AKAP13: variants seen among roughly 807,000 people sequenced by gnomAD.
AKAP13 encodes A-kinase anchoring protein 13.
Under a neutral mutation model 264.5 loss-of-function variants are expected in AKAP13, and 80 were observed. The observed-to-expected ratio is 0.30, with a 90% CI of 0.25 to 0.36. The LOEUF (loss-of-function observed/expected upper bound fraction) is 0.36. Among genes scored for constraint, AKAP13 ranks in the 10% least tolerant of loss-of-function variants. The pLI is 1.00. For synonymous variants in AKAP13, 1,380 were observed against 1,250.2 expected (o/e 1.10, Z -2.19); for missense variants, 3,712 against 3,435.2 (o/e 1.08, Z -2.01).
Position 85,710,645 on chromosome 15 carries a change from C to G in AKAP13, c.5599C>G (p.Pro1867Ala). 2 of 1,613,446 alleles carry G rather than the reference C, an allele frequency of 1.2e-6. No homozygotes were observed. Among genetic ancestry groups the G allele is most frequent in the Non-Finnish European group, 1.7e-6 (2 of 1,179,676 alleles). Residue 1867 changes from proline to alanine, a missense_variant and splice_region_variant, in exon 19 of 37, where the codon CCC (proline) becomes GCC (alanine). By Grantham distance (27) the Pro-to-Ala change is conservative. Transcript: ENST00000394518. ...GCCCACGGTCATTATGAGAAACAAG[C>G]GTAAGTAGCTCAGCCCACCTCTCAA... ...SLPTVIMRNKPSQPKERPRSA... is the reference protein window; with the variant it reads ...SLPTVIMRNKASQPKERPRSA...
intron 1 of AKAP13, among the ~76,000 whole-genome samples, chr15:85,457,571 G>C (rs1413870309): frequency 6.6e-6 from 1 of 152,138 alleles, no homozygotes; most frequent in African/African-American, 2.4e-5. Context: ...CTGACTCCTT[G>C]GAGTGATCTG....
chr15:85,539,759 G>C (rs1016578043), intron 4 of AKAP13, among the ~76,000 whole-genome samples: 4 of 152,118 alleles, frequency 2.6e-5, no homozygotes, highest in African/African-American at 4.8e-5. Context: ...GTGGGTAGAG[G>C]CTAAGCCTAC....
chr15:85,744,367 TAAAGAA>T, intron 36 of AKAP13: 1 of 458,538 alleles, frequency 2.2e-6, no homozygotes. Flanking sequence ...TGTGGGAGGT[TAAAGAA>T]AAAGTACATT....
At chr15:85,618,133 G>A (rs1428756746) in intron 8 of AKAP13, among the ~76,000 whole-genome samples, 5 of 152,208 alleles carry the variant, frequency 3.3e-5, no homozygotes, top group Non-Finnish European at 5.9e-5. Context: ...TGTAGCTGGG[G>A]TGTATTAATA....
At chr15:85,649,609 C>T (rs1039458056) in intron 10 of AKAP13, among the ~76,000 whole-genome samples, 13 of 152,190 alleles carry the variant, frequency 8.5e-5, no homozygotes, top group African/African-American at 3.1e-4. Context: ...AGGTCTTTAA[C>T]AGCCCGTAAC....
At chr15:85,456,611 G>A (rs1355778593) in intron 1 of AKAP13, among the ~76,000 whole-genome samples, 2 of 148,094 alleles carry the variant, frequency 1.4e-5, no homozygotes, top group Non-Finnish European at 1.5e-5. Context: ...GTGCAGTGGC[G>A]CAATCTTGGC....
At chr15:85,501,795 A>G (rs192257868) in intron 2 of AKAP13, among the ~76,000 whole-genome samples, 2 of 152,110 alleles carry the variant, frequency 1.3e-5, no homozygotes, top group African/African-American at 2.4e-5. Context: ...TGATGTCAGT[A>G]TATTGCTCCT....
At chr15:85,558,950 C>T (rs2151255958) in intron 5 of AKAP13, among the ~76,000 whole-genome samples, 1 of 151,856 alleles carries the variant, frequency 6.6e-6, no homozygotes. Context: ...CCCTCCTCCT[C>T]CTCCCTCCCT....
At chr15:85,543,665 T>C in intron 4 of AKAP13, 107 bp from the exon 5 acceptor site, 1 of 1,256,956 alleles carries the variant, frequency 8.0e-7, no homozygotes, top group Non-Finnish European at 1.1e-6. Context: ...AACTTTACAA[T>C]CTTAGGCACT....
At chr15:85,563,710 A>G (rs1315667429) in intron 5 of AKAP13, among the ~76,000 whole-genome samples, 1 of 152,190 alleles carries the variant, frequency 6.6e-6, no homozygotes, top group Non-Finnish European at 1.5e-5. Context: ...ATTCAAATCT[A>G]TTACTTGTTA....
At position 85,743,471 on chromosome 15, in the gene AKAP13, C is replaced by A. The variant is rs1266428184; in HGVS notation, c.8059-21C>A. 3.7e-6 allele frequency: 6 copies of A among 1,602,540 alleles called. No homozygotes were observed. The South Asian group carries it at 5.5e-5, about 15-fold the overall frequency. On this transcript the variant is annotated intron_variant, in intron 35 of 36. Transcript: ENST00000394518. ...ACGCTGACAGCCTCCAAGTGAAAAC[C>A]CTTCTCTTGAATATGTACAGGTTTC...
intron 5 of AKAP13, among the ~76,000 whole-genome samples, chr15:85,557,987 C>T (rs960157718): frequency 1.3e-5 from 2 of 152,192 alleles, no homozygotes; most frequent in African/African-American, 2.4e-5. Context: ...GCTTATACCA[C>T]ATGCCGTATT....
At chr15:85,589,739 A>T (rs2079514703) in intron 8 of AKAP13, among the ~76,000 whole-genome samples, 1 of 149,770 alleles carries the variant, frequency 6.7e-6, no homozygotes, top group Non-Finnish European at 1.5e-5. Context: ...CCTACTCTTA[A>T]TTTTTTTTCA....
chr15:85,455,510 T>C (rs12443473), intron 1 of AKAP13, among the ~76,000 whole-genome samples: 44,549 of 151,964 alleles, frequency 0.29, 9,413 homozygotes, highest in African/African-American at 0.59. Context: ...TTTATACTTA[T>C]AGCCACCATG....
chr15:85,506,933 C>T (rs74566283), intron 2 of AKAP13, among the ~76,000 whole-genome samples: 2,613 of 152,278 alleles, frequency 0.017, 89 homozygotes, highest in African/African-American at 0.06. Context: ...TCTGTGCCTT[C>T]GTACATACTC....
At chr15:85,544,039 CATT>C in intron 5 of AKAP13, 84 bp downstream of exon 5, 3 of 1,514,472 alleles carry the variant, frequency 2.0e-6, no homozygotes, top group Non-Finnish European at 2.7e-6. Context: ...CTTGGCATCT[CATT>C]GTGTGTTTGC....
chr15:85,443,266 A>G (rs1207119638), intron 1 of AKAP13, among the ~76,000 whole-genome samples: 1 of 152,054 alleles, frequency 6.6e-6, no homozygotes, highest in African/African-American at 2.4e-5. Context: ...TGTGCTTTCA[A>G]CTCTGAGGCC....
chr15:85,521,715 A>G (rs1190050441), intron 3 of AKAP13, 140 bp downstream of exon 3: 6 of 929,396 alleles, frequency 6.5e-6, no homozygotes, highest in Non-Finnish European at 9.0e-6. Flanking sequence ...CAGTTTGAAT[A>G]TCTGGTCCTG....
chr15:85,732,729 T>C (rs768698958), intron 30 of AKAP13, among the ~76,000 whole-genome samples: 4 of 150,100 alleles, frequency 2.7e-5, no homozygotes, highest in Non-Finnish European at 5.9e-5. Context: ...TACTCATAAC[T>C]GTTAGTAATA....
Sources: gnomAD v4.1 joint callset for allele counts (sites outside exome capture counted in the v4.1 genomes callset) on GRCh38, gnomAD v4.1.1 for gene constraint, MANE v1.5 for transcripts, NCBI Gene and HGNC (gene_info 2026-07-23, HGNC 2026-07-21) for gene names.